CCPG1: variants seen among roughly 807,000 people sequenced by gnomAD.
The protein encoded by CCPG1 is cell cycle progression protein 1.
CCPG1 carries 46 observed loss-of-function variants against 81.3 expected under a neutral mutation model. That is an observed-to-expected ratio of 0.57 (90% CI 0.45 to 0.72). CCPG1 has a LOEUF of 0.72. Ranked by LOEUF, CCPG1 falls within the 30% of genes least tolerant of loss-of-function variation. The pLI, the probability that CCPG1 is intolerant of heterozygous loss-of-function variation, is 0.00. For synonymous variants in CCPG1, 330 were observed against 305.2 expected, an observed-to-expected ratio of 1.08 and a Z score of -0.85; for missense variants, 902 against 937.6, an observed-to-expected ratio of 0.96 and a Z score of 0.50.
In CCPG1 at chr15:55,385,603, C is replaced by G. The variant is rs779779388; in HGVS notation, c.172G>C (p.Gly58Arg). Residue 58 changes from glycine (G) to arginine (R), a missense_variant, in exon 3 of 9, where the codon GGA becomes CGA. Coordinates refer to ENST00000442196, the MANE Select transcript of CCPG1 (RefSeq NM_001204450.2). ...TTAGAATTTGTGAACAACTTACCTC[C>G]TTGCTCTATCTGCAATGCTTGAAGC... ...EELQALQIEQ[G>R]ESSQNGTVLM... 53 of 1,555,926 alleles carry G rather than the reference C, an allele frequency of 3.4e-5. No individual in the cohort carries two copies. The South Asian group carries it at 5.7e-4, about 17-fold the overall frequency.
At chr15:55,394,176 G>A (rs982273724) in intron 1 of CCPG1, among the ~76,000 whole-genome samples, 3 of 152,044 alleles carry the variant, frequency 2.0e-5, no homozygotes, top group African/African-American at 4.8e-5. Context: ...TTTAAGAGTC[G>A]GGGTCTTGCT....
At position 55,396,138 on chromosome 15, in the gene CCPG1, A is replaced by G. The variant is rs1180571114; in HGVS notation, c.-9-6705T>C. On this transcript the variant is annotated intron_variant, in intron 1 of 8. Coordinates refer to ENST00000442196, the MANE Select transcript of CCPG1 (RefSeq NM_001204450.2). The stretch of plus-strand genomic sequence containing the variant: ...CACTGCACTCCAGCCTGGGCAACAG[A>G]GCAAGACTCCACCTCCAAAAAAAAA... Among the ~76,000 whole-genome samples, 5 of 143,400 alleles carry G rather than the reference A, an allele frequency of 3.5e-5. No individual in the cohort carries two copies. In the East Asian group the frequency reaches 8.4e-4, roughly 24 times the overall value. The allele number at this position is 143,400 out of a possible 152,430, so 94.1% of individuals were successfully genotyped here.
chr15:55,401,265 T>C (rs2141347022), intron 1 of CCPG1, among the ~76,000 whole-genome samples: 1 of 152,372 alleles, frequency 6.6e-6, no homozygotes, highest in Non-Finnish European at 1.5e-5. Flanking sequence ...CTCTATTCTG[T>C]TCCACTGATC....
chr15:55,385,567 TA>T lies in CCPG1; in HGVS notation c.175+32del, dbSNP rs527587404. The T allele has an allele frequency of 3.3e-3, 3,623 of 1,087,336 alleles. 2 individuals are homozygous for T. The highest frequency in any genetic ancestry group is 3.8e-3 in the Non-Finnish European group (2,909 of 755,646). 67.4% of individuals were successfully genotyped at this position (1,087,336 alleles called of 1,614,324 possible). ...TCATAATATCACTCATATATCATAT[TA>T]AAAAAAAAATTAGAATTTGTGAACA... On this transcript the variant is annotated intron_variant, in intron 3 of 8. Coordinates refer to ENST00000442196, the MANE Select transcript of CCPG1 (RefSeq NM_001204450.2).
intron 2 of CCPG1, among the ~76,000 whole-genome samples, chr15:55,388,086 G>A (rs1459789312): frequency 6.6e-6 from 1 of 151,900 alleles, no homozygotes; most frequent in South Asian, 2.1e-4. Flanking sequence ...AGGAGGCGAA[G>A]GTTGCTGTGA....
intron 7 of CCPG1, 51 bp downstream of exon 7, chr15:55,365,137 T>G: frequency 8.9e-7 from 1 of 1,117,476 alleles, no homozygotes; most frequent in East Asian, 2.4e-5. Context: ...CTCTAACTAA[T>G]AAGCAAAATA....
At chr15:55,397,229 A>AAC (rs1566983195) in intron 1 of CCPG1, among the ~76,000 whole-genome samples, 2 of 147,120 alleles carry the variant, frequency 1.4e-5, no homozygotes, top group Non-Finnish European at 3.0e-5. Flanking sequence ...AAAACAAACA[A>AAC]AAAAAAAAAC....
At chr15:55,357,852 T>G (rs2056113592) in intron 8 of CCPG1, 2 of 151,776 alleles carry the variant, frequency 1.3e-5, no homozygotes, top group South Asian at 4.1e-4. Flanking sequence ...CCATCTCAAA[T>G]AATTAAAAAA....
chr15:55,402,994 T>C (rs901436047), intron 1 of CCPG1, among the ~76,000 whole-genome samples: 2 of 152,156 alleles, frequency 1.3e-5, no homozygotes, highest in African/African-American at 4.8e-5. Context: ...GCCACCAATC[T>C]CTACCAAGAA....
intron 3 of CCPG1, among the ~76,000 whole-genome samples, chr15:55,381,085 C>G (rs1281091193): frequency 2.0e-5 from 3 of 151,242 alleles, no homozygotes; most frequent in Admixed American, 6.6e-5. Flanking sequence ...TGCAGCGAGC[C>G]GAGATCCCGC....
intron 8 of CCPG1, 170 bp from the exon 9 acceptor site, chr15:55,356,579 AGTT>A (rs2056080539): frequency 3.2e-6 from 4 of 1,237,250 alleles, no homozygotes; most frequent in Admixed American, 4.0e-5. Context: ...AGTCTGTATT[AGTT>A]TTTTTGTCCT....
chr15:55,389,582 G>C (rs148264230), intron 1 of CCPG1, 149 bp from the exon 2 acceptor site: 16,922 of 650,854 alleles, frequency 0.026, 309 homozygotes, highest in Non-Finnish European at 0.036. Context: ...TACAGAACAT[G>C]ACAGGACTGC....
In CCPG1 at chr15:55,398,739, G is replaced by C. The variant is rs528957157; in HGVS notation, c.-9-9306C>G. 3.0e-4 allele frequency among the ~76,000 whole-genome samples: 46 copies of C among 152,118 alleles called. 1 individual carries two copies. The South Asian group carries it at 9.4e-3, about 31-fold the overall frequency. ...TGGGATTACAGGTGCGCACCACCATGCCGAGCTAATTTTTGTATTTTTAGT... is the reference window on the plus strand; with the variant it reads ...TGGGATTACAGGTGCGCACCACCATCCCGAGCTAATTTTTGTATTTTTAGT... On this transcript the variant is annotated intron_variant, in intron 1 of 8. Coordinates refer to ENST00000442196, the MANE Select transcript of CCPG1 (RefSeq NM_001204450.2).
chr15:55,359,072 C>T, intron 8 of CCPG1: 1 of 984,962 alleles, frequency 1.0e-6, no homozygotes, highest in Admixed American at 6.1e-5. Flanking sequence ...TAAGCTGGTA[C>T]ATGGAATGGA....
Position 55,384,714 on chromosome 15 carries a change from A to C in CCPG1, c.175+886T>G, listed in dbSNP as rs562195657. Among the ~76,000 whole-genome samples the C allele has an allele frequency of 1.5e-4, 23 of 152,258 alleles. 1 individual carries two copies. The highest frequency in any genetic ancestry group is 4.8e-4 in the African/African-American group (20 of 41,556). ...AATATTATAATTATAAAAATGAGAC[A>C]CAGAGACATGAAGTGGGCATATGCT... On this transcript the variant is annotated intron_variant, in intron 3 of 8. Transcript: ENST00000442196.
intron 1 of CCPG1, among the ~76,000 whole-genome samples, chr15:55,402,775 C>T (rs759179509): frequency 1.3e-5 from 2 of 152,180 alleles, no homozygotes; most frequent in Non-Finnish European, 2.9e-5. Context: ...CTTAAAGATC[C>T]ATTTGAGAAT....
At chr15:55,389,968 G>A (rs558080846) in intron 1 of CCPG1, among the ~76,000 whole-genome samples, 3 of 152,342 alleles carry the variant, frequency 2.0e-5, no homozygotes, top group South Asian at 4.1e-4. Context: ...GCTGTCGACC[G>A]GTTGGAGTGC....
intron 2 of CCPG1, among the ~76,000 whole-genome samples, chr15:55,386,281 C>T (rs2056797892): frequency 6.6e-6 from 1 of 151,494 alleles, no homozygotes; most frequent in Admixed American, 6.6e-5. Flanking sequence ...CTTATTATGG[C>T]ACTATAAACT....
chr15:55,378,439 C>T, intron 3 of CCPG1, 63 bp from the exon 4 acceptor site: 5 of 969,836 alleles, frequency 5.2e-6, no homozygotes, highest in South Asian at 2.9e-5. Context: ...TGACTTTCTG[C>T]AGCCAACATA....
Sources: allele counts gnomAD v4.1 joint callset (sites outside exome capture counted in the v4.1 genomes callset), GRCh38; gene constraint gnomAD v4.1.1; transcripts MANE v1.5; gene names NCBI Gene and HGNC (gene_info 2026-07-23, HGNC 2026-07-21).